Variants in RUNDC3B observed in about 807,000 individuals in gnomAD.
RUNDC3B encodes the protein RUN domain-containing protein 3B.
In RUNDC3B, 33 loss-of-function variants were observed where a neutral mutation model predicts 58.4. That is an observed-to-expected ratio of 0.56 (90% confidence interval 0.43 to 0.75). RUNDC3B has a LOEUF of 0.75. Among genes scored for constraint, RUNDC3B ranks in the 30% least tolerant of loss-of-function variants. The pLI, the probability that RUNDC3B is intolerant of heterozygous loss-of-function variation, is 0.00. For synonymous variants in RUNDC3B, 193 were observed against 195.2 expected, an observed-to-expected ratio of 0.99 and a Z score of 0.10; for missense variants, 501 against 535.7, an observed-to-expected ratio of 0.94 and a Z score of 0.64.
intron 2 of RUNDC3B, among the ~76,000 whole-genome samples, chr7:87,668,039 G>T (rs1479608976): frequency 2.0e-5 from 3 of 151,840 alleles, no homozygotes; most frequent in African/African-American, 7.3e-5. Flanking sequence ...TCATTTTTTT[G>T]GAATTATTTC....
At chr7:87,731,255 C>A (rs1206506948) in intron 4 of RUNDC3B, among the ~76,000 whole-genome samples, 1 of 151,970 alleles carries the variant, frequency 6.6e-6, no homozygotes, top group Non-Finnish European at 1.5e-5. Context: ...TGTCAGTGAC[C>A]AATTCCAGAC....
chr7:87,758,634 A>G (rs1833507206), intron 6 of RUNDC3B, among the ~76,000 whole-genome samples: 1 of 152,216 alleles, frequency 6.6e-6, no homozygotes, highest in Admixed American at 6.5e-5. Flanking sequence ...AATAGGAAAA[A>G]AAATCAAATA....
At chr7:87,806,382 A>C (rs1338458752) in intron 8 of RUNDC3B, among the ~76,000 whole-genome samples, 1 of 152,054 alleles carries the variant, frequency 6.6e-6, no homozygotes, top group Non-Finnish European at 1.5e-5. Context: ...CCACAACAGG[A>C]CTTTTATCTG....
At chr7:87,695,012 A>T (rs1033885337) in intron 2 of RUNDC3B, among the ~76,000 whole-genome samples, 2 of 152,156 alleles carry the variant, frequency 1.3e-5, no homozygotes, top group Admixed American at 6.6e-5. Context: ...GTTACATTTT[A>T]TAGATGAGTA....
At chr7:87,760,182 G>A (rs1833600134) in intron 6 of RUNDC3B, among the ~76,000 whole-genome samples, 1 of 151,604 alleles carries the variant, frequency 6.6e-6, no homozygotes, top group African/African-American at 2.4e-5. Flanking sequence ...TTTAGTTGGT[G>A]TTATCCAATA....
chr7:87,825,224 AAAAG>A (rs1318178670), intron 10 of RUNDC3B, among the ~76,000 whole-genome samples: 2 of 152,094 alleles, frequency 1.3e-5, no homozygotes, highest in African/African-American at 2.4e-5. Flanking sequence ...ATCTCAAAAA[AAAAG>A]AAAGAAAAAG....
chr7:87,714,780 A>G (rs1356235777), intron 4 of RUNDC3B, among the ~76,000 whole-genome samples: 2 of 151,726 alleles, frequency 1.3e-5, no homozygotes, highest in African/African-American at 4.8e-5. Context: ...CCCCCGCCCC[A>G]TGCATCCGTT....
In RUNDC3B at chr7:87,703,303, G is replaced by A. The variant is rs893916132; in HGVS notation, c.372+2749G>A. 2.0e-5 allele frequency among the ~76,000 whole-genome samples: 3 copies of A among 151,388 alleles called. No homozygotes were observed. The East Asian group carries it at 5.8e-4, about 29-fold the overall frequency. ...TGTTCAGCAAAACTGATGAAGATAT[G>A]TTCAAATTAAATATTTTGTAAGCAC... On this transcript the variant is annotated intron_variant, in intron 3 of 10. Coordinates refer to ENST00000394654, the MANE Select transcript of RUNDC3B (RefSeq NM_001134405.2).
chr7:87,755,419 C>G (rs1360185652), intron 6 of RUNDC3B, among the ~76,000 whole-genome samples: 1 of 152,084 alleles, frequency 6.6e-6, no homozygotes, highest in Non-Finnish European at 1.5e-5. Context: ...GATACCAAAA[C>G]CTGGCAGAGA....
rs1050029067 is a variant in RUNDC3B, at chr7:87,818,893, A to G, written c.1225+2631A>G. ...GTGTTAAGAAGGTAAATTTAAAGCC[A>G]GAAAAGCCATACAGTAAAAACAAAC... is the stretch of plus-strand genomic sequence containing the variant. On this transcript the variant is annotated intron_variant, in intron 10 of 10. Transcript: ENST00000394654. 2.0e-5 allele frequency among the ~76,000 whole-genome samples: 3 copies of G among 152,178 alleles called. No individual in the cohort carries two copies. In the East Asian group the frequency reaches 5.8e-4, roughly 29 times the overall value.
At chr7:87,769,337 T>G (rs1165691904) in intron 6 of RUNDC3B, among the ~76,000 whole-genome samples, 1 of 152,156 alleles carries the variant, frequency 6.6e-6, no homozygotes, top group East Asian at 1.9e-4. Context: ...TAACTGGACC[T>G]GAACATCTGG....
intron 10 of RUNDC3B, among the ~76,000 whole-genome samples, chr7:87,819,293 C>T (rs1278595192): frequency 6.6e-6 from 1 of 152,044 alleles, no homozygotes; most frequent in Non-Finnish European, 1.5e-5. Context: ...TCTTAGAAGG[C>T]CATTACATAA....
At chr7:87,663,367 C>T (rs117102999) in intron 2 of RUNDC3B, among the ~76,000 whole-genome samples, 4,461 of 152,166 alleles carry the variant, frequency 0.029, 63 homozygotes, top group Middle Eastern at 0.048. Context: ...TCCAGTTCAG[C>T]TGCATTCTTC....
intron 2 of RUNDC3B, among the ~76,000 whole-genome samples, chr7:87,658,353 CAG>C (rs1824332209): frequency 6.6e-6 from 1 of 152,040 alleles, no homozygotes; most frequent in Non-Finnish European, 1.5e-5. Context: ...ATCTGAACAA[CAG>C]AGAGAAATTA....
At chr7:87,821,730 A>G (rs1281308930) in intron 10 of RUNDC3B, among the ~76,000 whole-genome samples, 1 of 152,192 alleles carries the variant, frequency 6.6e-6, no homozygotes, top group African/African-American at 2.4e-5. Context: ...CCTCAGAAAT[A>G]ATGCCGCATA....
chr7:87,628,992 G>C lies in RUNDC3B; in HGVS notation c.122+47G>C, dbSNP rs1413202895. 3 of 1,300,388 alleles carry C rather than the reference G, an allele frequency of 2.3e-6. No homozygotes were observed. The African/African-American group carries it at 4.5e-5, about 20-fold the overall frequency. 80.6% of individuals were successfully genotyped at this position (1,300,388 alleles called of 1,614,324 possible). On this transcript the variant is annotated intron_variant, in intron 1 of 10. Transcript: ENST00000394654. ...GGAACCAGCCTCCCGCCGGGGCTGA[G>C]AGCTCTGGGCTTCCGCGCGGGTCCT... is the stretch of plus-strand genomic sequence containing the variant.
chr7:87,709,914 G>A (rs1175360481), intron 3 of RUNDC3B, among the ~76,000 whole-genome samples: 1 of 152,122 alleles, frequency 6.6e-6, no homozygotes, highest in Non-Finnish European at 1.5e-5. Flanking sequence ...ATTACTTTTA[G>A]TAAGAATTGT....
In RUNDC3B at chr7:87,630,853, TGAAAA is replaced by T. The variant is rs200125052; in HGVS notation, c.122+1915_122+1919del. On this transcript the variant is annotated intron_variant, in intron 1 of 10. Coordinates refer to ENST00000394654, the MANE Select transcript of RUNDC3B (RefSeq NM_001134405.2). The stretch of plus-strand genomic sequence containing the variant: ...CATGTGTGCCCTTATCAGAGACAGT[TGAAAA>T]GAAAAGGATTTGTATTTCAACCTTA... Among the ~76,000 whole-genome samples, 25 of 152,248 alleles carry T rather than the reference TGAAAA, an allele frequency of 1.6e-4. No homozygotes were observed. In the East Asian group the frequency reaches 3.7e-3, roughly 22 times the overall value.
chr7:87,808,495 C>T (rs1390190391), intron 9 of RUNDC3B, among the ~76,000 whole-genome samples: 2 of 152,044 alleles, frequency 1.3e-5, no homozygotes. Flanking sequence ...AGGCAGAGTT[C>T]AAAGTAAATT....
Sources: allele counts gnomAD v4.1 joint callset (sites outside exome capture counted in the v4.1 genomes callset), GRCh38; gene constraint gnomAD v4.1.1; transcripts MANE v1.5; gene names NCBI Gene and HGNC (gene_info 2026-07-23, HGNC 2026-07-21).